The following EPHA5 variants were observed in gnomAD, a reference collection of about 807,000 sequenced individuals.
The protein encoded by EPHA5 is ephrin type-A receptor 5.
EPHA5 carries 60 observed loss-of-function variants against 105.0 expected under a neutral mutation model. That is an observed-to-expected ratio of 0.57 (90% confidence interval 0.46 to 0.71). EPHA5 has a LOEUF of 0.71. EPHA5 is among the 30% of genes least tolerant of loss of function. The pLI, the probability that EPHA5 is intolerant of heterozygous loss-of-function variation, is 0.00. For missense variants in EPHA5, 1,218 were observed against 1,274.7 expected (o/e 0.96, Z 0.68); for synonymous variants, 513 against 449.1 (o/e 1.14, Z -1.80).
At chr4:65,642,347 AG>A (rs1234102909) in intron 2 of EPHA5, among the ~76,000 whole-genome samples, 4 of 151,978 alleles carry the variant, frequency 2.6e-5, no homozygotes, top group Non-Finnish European at 5.9e-5. Flanking sequence ...GAAGAGTGTA[AG>A]AAAGATAAAA....
At chr4:65,347,637 C>A (rs1397438724) in intron 14 of EPHA5, among the ~76,000 whole-genome samples, 1 of 152,216 alleles carries the variant, frequency 6.6e-6, no homozygotes, top group East Asian at 1.9e-4. Flanking sequence ...TCCTTTTTAT[C>A]CTCTAAGAGC....
intron 1 of EPHA5, among the ~76,000 whole-genome samples, chr4:65,650,927 T>C (rs907748911): frequency 1.3e-4 from 20 of 152,314 alleles, no homozygotes; most frequent in African/African-American, 4.3e-4. Context: ...CTTCCAGGGT[T>C]TTTCTTTTCC....
At chr4:65,582,042 C>T (rs1234381345) in intron 3 of EPHA5, among the ~76,000 whole-genome samples, 3 of 151,602 alleles carry the variant, frequency 2.0e-5, no homozygotes, top group African/African-American at 7.3e-5. Context: ...CACTATGAAG[C>T]ATATAGAAAT....
chr4:65,640,584 C>T (rs1028201007), intron 2 of EPHA5, among the ~76,000 whole-genome samples: 8 of 152,136 alleles, frequency 5.3e-5, no homozygotes, highest in Non-Finnish European at 4.4e-5. Context: ...CTGCGCCCGG[C>T]CAAAGTCATT....
At chr4:65,345,307 T>G in intron 14 of EPHA5, among the ~76,000 whole-genome samples, 1 of 152,238 alleles carries the variant, frequency 6.6e-6, no homozygotes, top group Non-Finnish European at 1.5e-5. Context: ...AGACTCATTG[T>G]CATCCGGTGT....
chr4:65,368,949 A>G (rs1225973213), intron 8 of EPHA5, among the ~76,000 whole-genome samples: 4 of 152,044 alleles, frequency 2.6e-5, no homozygotes, highest in African/African-American at 4.8e-5. Context: ...GTTTTTCCCA[A>G]TACTTAAACT....
At chr4:65,582,484 A>AG (rs1244915489) in intron 3 of EPHA5, among the ~76,000 whole-genome samples, 7 of 150,934 alleles carry the variant, frequency 4.6e-5, no homozygotes, top group Non-Finnish European at 8.9e-5. Flanking sequence ...GAAAAAAAAA[A>AG]AAAAGAAAAT....
intron 3 of EPHA5, among the ~76,000 whole-genome samples, chr4:65,536,168 C>CGGG (rs1736265902): frequency 6.6e-6 from 1 of 151,782 alleles, no homozygotes; most frequent in South Asian, 2.1e-4. Flanking sequence ...CTTCCTATTA[C>CGGG]TTTGAATGGG....
intron 2 of EPHA5, among the ~76,000 whole-genome samples, chr4:65,608,420 C>T (rs1013967332): frequency 2.6e-5 from 4 of 151,792 alleles, no homozygotes; most frequent in African/African-American, 9.7e-5. Flanking sequence ...AGGAGAATGG[C>T]ATGAACCCAT....
intron 3 of EPHA5, among the ~76,000 whole-genome samples, chr4:65,500,826 T>C (rs1188987030): frequency 7.1e-5 from 1 of 14,078 alleles, no homozygotes; most frequent in East Asian, 5.9e-3. Context: ...TGTGTGCGTA[T>C]ATATATATAT....
chr4:65,659,319 GAAAA>G (rs5858980), intron 1 of EPHA5, among the ~76,000 whole-genome samples: 13 of 71,612 alleles, frequency 1.8e-4, no homozygotes, highest in African/African-American at 6.9e-4. Flanking sequence ...TAGAGTAACA[GAAAA>G]AAAAAAAAAA....
intron 6 of EPHA5, among the ~76,000 whole-genome samples, chr4:65,418,707 A>C (rs1000744425): frequency 6.6e-6 from 1 of 151,944 alleles, no homozygotes; most frequent in Non-Finnish European, 1.5e-5. Flanking sequence ...AAAACCTGTA[A>C]ATATGTAGAT....
At chr4:65,389,971 A>G (rs10034700) in intron 8 of EPHA5, among the ~76,000 whole-genome samples, 8,082 of 150,996 alleles carry the variant, frequency 0.054, 221 homozygotes, top group South Asian at 0.069. Flanking sequence ...AGTAAGGGGG[A>G]AAAAAAAACT....
intron 2 of EPHA5, among the ~76,000 whole-genome samples, chr4:65,630,081 TCACA>T (rs35628731): frequency 0.032 from 4,658 of 146,256 alleles, 244 homozygotes; most frequent in African/African-American, 0.11. Flanking sequence ...TCTCTCTCTC[TCACA>T]CACACACACA....
intron 3 of EPHA5, among the ~76,000 whole-genome samples, chr4:65,561,018 A>G (rs1738954581): frequency 6.6e-6 from 1 of 152,028 alleles, no homozygotes; most frequent in Non-Finnish European, 1.5e-5. Context: ...TGAGTAAAAC[A>G]TAACTTTAAA....
At chr4:65,364,115 C>T (rs1046754024) in intron 11 of EPHA5, among the ~76,000 whole-genome samples, 3 of 151,456 alleles carry the variant, frequency 2.0e-5, no homozygotes, top group Admixed American at 6.6e-5. Flanking sequence ...GGTATATACT[C>T]AACTGGAGGA....
At chr4:65,365,528 T>G (rs1222297397) in intron 10 of EPHA5, among the ~76,000 whole-genome samples, 1 of 150,118 alleles carries the variant, frequency 6.7e-6, no homozygotes, top group Non-Finnish European at 1.5e-5. Flanking sequence ...CTTCTTTTTC[T>G]GTCTACCGTA....
At chr4:65,565,446 T>G (rs1739437377) in intron 3 of EPHA5, among the ~76,000 whole-genome samples, 2 of 151,710 alleles carry the variant, frequency 1.3e-5, no homozygotes, top group South Asian at 4.1e-4. Context: ...ATATAAATGT[T>G]TTTCAGTAAA....
At chr4:65,484,544 C>A (rs547901970) in intron 5 of EPHA5, among the ~76,000 whole-genome samples, 1 of 152,034 alleles carries the variant, frequency 6.6e-6, no homozygotes, top group South Asian at 2.1e-4. Context: ...TCAACATAGC[C>A]CTCTGGAAAA....
Sources: allele counts gnomAD v4.1 joint callset (sites outside exome capture counted in the v4.1 genomes callset), GRCh38; gene constraint gnomAD v4.1.1; transcripts MANE v1.5; gene names NCBI Gene and HGNC (gene_info 2026-07-23, HGNC 2026-07-21).